Variants in SLC9C1 observed in about 807,000 individuals in gnomAD.
The protein encoded by SLC9C1 is sodium/hydrogen exchanger 10.
A neutral mutation model predicts 140.9 loss-of-function variants in SLC9C1; 97 were observed. The observed-to-expected ratio is 0.69, with a 90% confidence interval of 0.58 to 0.82. The LOEUF (loss-of-function observed/expected upper bound fraction) is 0.82. SLC9C1 is among the 40% of genes least tolerant of loss of function. The pLI, the probability that SLC9C1 is intolerant of heterozygous loss-of-function variation, is 0.00. For synonymous variants in SLC9C1, 440 were observed against 442.6 expected, an observed-to-expected ratio of 0.99 and a Z score of 0.07; for missense variants, 1,340 against 1,389.3, an observed-to-expected ratio of 0.96 and a Z score of 0.56.
intron 12 of SLC9C1, among the ~76,000 whole-genome samples, chr3:112,233,918 G>A (rs1184655109): frequency 6.6e-6 from 1 of 152,080 alleles, no homozygotes; most frequent in Non-Finnish European, 1.5e-5. Flanking sequence ...CTTTGCTATT[G>A]TGAATAGTGC....
chr3:112,215,023 G>A (rs1436656061), intron 15 of SLC9C1, among the ~76,000 whole-genome samples: 1 of 152,132 alleles, frequency 6.6e-6, no homozygotes, highest in African/African-American at 2.4e-5. Flanking sequence ...GATCAAGTGG[G>A]CTTCATCCCT....
At chr3:112,277,025 T>G (rs13079706) in intron 5 of SLC9C1, among the ~76,000 whole-genome samples, 36,814 of 152,064 alleles carry the variant, frequency 0.24, 5,028 homozygotes, top group Non-Finnish European at 0.32. Flanking sequence ...AATGTGTGCA[T>G]GGGTTGCCAT....
chr3:112,232,093 AAGCT>A (rs2078845525), intron 12 of SLC9C1, among the ~76,000 whole-genome samples: 1 of 152,210 alleles, frequency 6.6e-6, no homozygotes, highest in Admixed American at 6.5e-5. Flanking sequence ...TTAAGTGAGA[AAGCT>A]AGGCTATAAA....
chr3:112,277,649 T>C (rs376068651), intron 5 of SLC9C1, 46 bp downstream of exon 5: 32 of 1,391,822 alleles, frequency 2.3e-5, no homozygotes, highest in Non-Finnish European at 2.9e-5. Context: ...AAGTTCATTA[T>C]GAAATATGAT....
chr3:112,256,091 G>T (rs1178681729), intron 10 of SLC9C1, among the ~76,000 whole-genome samples: 2 of 151,408 alleles, frequency 1.3e-5, no homozygotes, highest in African/African-American at 4.8e-5. Flanking sequence ...GTAACAAATA[G>T]ACCAACCAAA....
At chr3:112,266,384 A>T in intron 7 of SLC9C1, 44 bp from the exon 8 acceptor site, 1 of 1,429,996 alleles carries the variant, frequency 7.0e-7, no homozygotes, top group Non-Finnish European at 9.6e-7. Context: ...ATTTAACATC[A>T]ACAGCAGCAC....
At position 112,235,687 on chromosome 3, in the gene SLC9C1, G is replaced by A. The variant is rs190477604; in HGVS notation, c.1446+4153C>T. On this transcript the variant is annotated intron_variant, in intron 12 of 28. Transcript: ENST00000305815. Reference sequence around the variant, plus strand: ...AGAGTTTTTAGCATGAAGGGCTGTTGCATTTTGTCAAAGGCCTTTTCTGCA... The same window carrying A: ...AGAGTTTTTAGCATGAAGGGCTGTTACATTTTGTCAAAGGCCTTTTCTGCA... 4.6e-5 allele frequency among the ~76,000 whole-genome samples: 7 copies of A among 152,264 alleles called. No individual in the cohort carries two copies. The East Asian group carries it at 1.2e-3, about 25-fold the overall frequency.
At chr3:112,215,241 C>T (rs1215291928) in intron 15 of SLC9C1, among the ~76,000 whole-genome samples, 3 of 152,326 alleles carry the variant, frequency 2.0e-5, no homozygotes, top group Non-Finnish European at 2.9e-5. Flanking sequence ...GACAAACCCA[C>T]AGCCAATATC....
intron 18 of SLC9C1, among the ~76,000 whole-genome samples, chr3:112,201,592 G>T (rs924683675): frequency 1.3e-5 from 2 of 151,902 alleles, no homozygotes; most frequent in African/African-American, 4.8e-5. Flanking sequence ...GGCACATATC[G>T]GTTTTAATCT....
intron 12 of SLC9C1, among the ~76,000 whole-genome samples, chr3:112,232,176 C>T (rs6781344): frequency 0.59 from 89,724 of 151,714 alleles, 27,035 homozygotes; most frequent in East Asian, 0.79. Flanking sequence ...GTTTGCATCA[C>T]AAAAAGGAGA....
intron 26 of SLC9C1, among the ~76,000 whole-genome samples, chr3:112,166,373 C>CT (rs2077135395): frequency 6.6e-6 from 1 of 152,200 alleles, no homozygotes; most frequent in Admixed American, 6.5e-5. Flanking sequence ...ATGCTGGGAG[C>CT]TGTAGATTGG....
rs760649339 is a variant in SLC9C1 at position 112,278,822 on chromosome 3, A to T, written c.225T>A (p.Ser75Arg). Residue 75 changes from serine to arginine, a missense_variant, in exon 4 of 29, where the codon AGT (serine) becomes AGA (arginine). Physicochemically the swap from Ser to Arg is moderately radical, Grantham distance 110. Transcript: ENST00000305815. ...TAAATATACGAAAAAATAAGTCTGG[A>T]CTCATCCATTGTATGGCGTTTGCGT... is the stretch of plus-strand genomic sequence containing the variant. Reference protein sequence around the residue: ...QRYANAIQWMSPDLFFRIFTP... With the variant: ...QRYANAIQWMRPDLFFRIFTP... 1.9e-6 allele frequency: 3 copies of T among 1,608,040 alleles called. No individual in the cohort carries two copies. The highest frequency in any genetic ancestry group is 2.5e-6 in the Non-Finnish European group (3 of 1,178,080).
chr3:112,293,639 G>A (rs2080754442), intron 1 of SLC9C1, among the ~76,000 whole-genome samples: 1 of 152,082 alleles, frequency 6.6e-6, no homozygotes, highest in African/African-American at 2.4e-5. Context: ...ACCACACAAC[G>A]CAGACATCTT....
intron 20 of SLC9C1, among the ~76,000 whole-genome samples, chr3:112,195,822 A>C (rs188859842): frequency 3.3e-5 from 5 of 152,252 alleles, no homozygotes; most frequent in Admixed American, 3.3e-4. Flanking sequence ...AAAAACATGA[A>C]ATATTTTTAA....
At chr3:112,290,023 TG>T (rs1346351489) in intron 1 of SLC9C1, among the ~76,000 whole-genome samples, 1 of 152,164 alleles carries the variant, frequency 6.6e-6, no homozygotes, top group Non-Finnish European at 1.5e-5. Context: ...GAGCAACTGG[TG>T]TTTAGAAACA....
rs768688963 is a variant in SLC9C1 at position 112,274,904 on chromosome 3, A to G, written c.606T>C (p.His202=). 5.8e-6 allele frequency: 9 copies of G among 1,550,582 alleles called. No homozygotes were observed. The highest frequency in any genetic ancestry group is 2.4e-4 in the Middle Eastern group (1 of 4,208). ...FDQRLQSKRN[H]TLAEEIVGGI... is the part of the protein sequence containing the mutation. ...TTTTAAAAATATACTTACCTAAGGT[A>G]TGGTTTCTTTTACTTTGTAGTCTTT... is the stretch of plus-strand genomic sequence containing the variant. The change falls in exon 6 of 29, where the codon CAT becomes CAC. Residue 202 remains histidine (H), a synonymous_variant. Coordinates refer to ENST00000305815, the MANE Select transcript of SLC9C1 (RefSeq NM_183061.3).
rs781698549 is a variant in SLC9C1, at chr3:112,231,423, C to T, written c.1510G>A (p.Asp504Asn). The T allele has an allele frequency of 7.4e-6, 12 of 1,613,222 alleles. No individual in the cohort carries two copies. Among genetic ancestry groups the T allele is most frequent in the Non-Finnish European group, 3.4e-6 (4 of 1,179,664 alleles). The change falls in exon 13 of 29, where the codon GAT (aspartate) becomes AAT (asparagine). Residue 504 changes from aspartate (D) to asparagine (N), a missense_variant. Transcript: ENST00000305815. ...VKCPHCNKEI[D>N]EIFNTEAMEL... ...ATTGCTTCAGTGTTAAAGATCTCAT[C>T]TATTTCCTTGTTACAGTGTGGACAT...
intron 20 of SLC9C1, among the ~76,000 whole-genome samples, chr3:112,196,218 C>T (rs1479162675): frequency 6.6e-6 from 1 of 151,700 alleles, no homozygotes; most frequent in Non-Finnish European, 1.5e-5. Flanking sequence ...TATATCAGCT[C>T]ACTGGCTTCT....
chr3:112,166,676 A>T (rs1255662819), intron 26 of SLC9C1, among the ~76,000 whole-genome samples: 1 of 152,076 alleles, frequency 6.6e-6, no homozygotes, highest in African/African-American at 2.4e-5. Flanking sequence ...AAATTCTATT[A>T]TTATTACTTA....
Sources: allele counts gnomAD v4.1 joint callset (sites outside exome capture counted in the v4.1 genomes callset), GRCh38; gene constraint gnomAD v4.1.1; transcripts MANE v1.5; gene names NCBI Gene and HGNC (gene_info 2026-07-23, HGNC 2026-07-21).